Variants in CBX5 observed in about 807,000 individuals in gnomAD.
CBX5 encodes the protein chromobox 5.
A neutral mutation model predicts 20.7 loss-of-function variants in CBX5; 7 were observed. The ratio of observed to expected loss-of-function variants is 0.34; its 90% CI spans 0.19 to 0.63. The LOEUF is 0.63. Among genes scored for constraint, CBX5 ranks in the 30% least tolerant of loss-of-function variants. CBX5 has a pLI of 0.75. For missense variants in CBX5, 110 were observed against 224.1 expected, an observed-to-expected ratio of 0.49 and a Z score of 3.25; for synonymous variants, 78 against 77.0, an observed-to-expected ratio of 1.01 and a Z score of -0.07.
rs1943594925 is a variant in CBX5, at chr12:54,234,044, G to A, written c.*7711C>T. 1 of 152,086 alleles carries A rather than the reference G, an allele frequency of 6.6e-6. No homozygotes were observed. The highest frequency in any genetic ancestry group is 1.5e-5 in the Non-Finnish European group (1 of 68,120). 9.4% of individuals were successfully genotyped at this position (152,086 alleles called of 1,614,324 possible). ...AAAATACAAAAATTAGCCGGGCATGGTGGCAGGCGCCTATAATCCCAGCTG... is the reference window on the plus strand; with the variant it reads ...AAAATACAAAAATTAGCCGGGCATGATGGCAGGCGCCTATAATCCCAGCTG... On this transcript the variant is annotated 3_prime_UTR_variant, in exon 5 of 5. Coordinates refer to ENST00000209875, the MANE Select transcript of CBX5 (RefSeq NM_012117.3).
chr12:54,266,856 T>C (rs1311941444), intron 1 of CBX5, among the ~76,000 whole-genome samples: 1 of 152,202 alleles, frequency 6.6e-6, no homozygotes, highest in Non-Finnish European at 1.5e-5. Flanking sequence ...GAAACACGCA[T>C]TCTATTTTAT....
intron 2 of CBX5, among the ~76,000 whole-genome samples, chr12:54,257,067 A>T (rs971792158): frequency 6.8e-6 from 1 of 146,240 alleles, no homozygotes; most frequent in Non-Finnish European, 1.5e-5. Flanking sequence ...CATGTTGGCC[A>T]GGCTGGTCTC....
intron 2 of CBX5, among the ~76,000 whole-genome samples, chr12:54,253,790 TCTCA>T (rs1943832991): frequency 7.0e-6 from 1 of 143,286 alleles, no homozygotes; most frequent in Non-Finnish European, 1.5e-5. Context: ...TGAGATGGAG[TCTCA>T]CTCTGTCTTG....
chr12:54,249,831 C>G (rs1033040634), intron 3 of CBX5, among the ~76,000 whole-genome samples: 4 of 152,138 alleles, frequency 2.6e-5, no homozygotes, highest in Non-Finnish European at 5.9e-5. Context: ...ACTTCCCAAA[C>G]TGAAGAAGAT....
intron 1 of CBX5, among the ~76,000 whole-genome samples, chr12:54,267,706 G>A (rs914198275): frequency 9.2e-5 from 14 of 151,940 alleles, no homozygotes; most frequent in South Asian, 2.1e-4. Flanking sequence ...TAGTAGAGAC[G>A]GGGTTTCACC....
At chr12:54,269,230 T>A (rs1943986126) in intron 1 of CBX5, among the ~76,000 whole-genome samples, 1 of 151,290 alleles carries the variant, frequency 6.6e-6, no homozygotes, top group East Asian at 2.0e-4. Flanking sequence ...ACAACTACAC[T>A]CCAGCCAGGG....
intron 4 of CBX5, among the ~76,000 whole-genome samples, chr12:54,242,524 CAAAAA>C (rs34124128): frequency 2.6e-5 from 2 of 76,974 alleles, no homozygotes; most frequent in African/African-American, 4.8e-5. Context: ...GACTCCGTCT[CAAAAA>C]AAAAAAAAAA....
At position 54,235,185 on chromosome 12, in the gene CBX5, C is replaced by G. The variant is rs1275734866; in HGVS notation, c.*6570G>C. On this transcript the variant is annotated 3_prime_UTR_variant, in exon 5 of 5. Coordinates refer to ENST00000209875, the MANE Select transcript of CBX5 (RefSeq NM_012117.3). ...CTTGTGGTCATCCATGGGTCAGAAT[C>G]GACAACATCCTTACGATCAGACTGT... 6.6e-6 allele frequency: 1 copy of G among 152,188 alleles called. No homozygotes were observed. Among genetic ancestry groups the G allele is most frequent in the Non-Finnish European group, 1.5e-5 (1 of 68,042 alleles). 9.4% of individuals were successfully genotyped at this position (152,188 alleles called of 1,614,324 possible). A position where few individuals can be genotyped will look rare whatever the true frequency, so the allele number is the denominator to read the frequency against.
At position 54,234,281 on chromosome 12, in the gene CBX5, A is replaced by G. The variant is rs1423349219; in HGVS notation, c.*7474T>C. 1 of 148,188 alleles carries G rather than the reference A, an allele frequency of 6.7e-6. No homozygotes were observed. Among genetic ancestry groups the G allele is most frequent in the African/African-American group, 2.5e-5 (1 of 40,302 alleles). 9.2% of individuals were successfully genotyped at this position (148,188 alleles called of 1,614,324 possible). The stretch of plus-strand genomic sequence containing the variant: ...GATTTTTTTTTTTTTCCTCACTGAT[A>G]GCTGATCACATTAAACAGGTACAGG... On this transcript the variant is annotated 3_prime_UTR_variant, in exon 5 of 5. Coordinates refer to ENST00000209875, the MANE Select transcript of CBX5 (RefSeq NM_012117.3).
At chr12:54,266,263 TG>T (rs1943955365) in intron 1 of CBX5, among the ~76,000 whole-genome samples, 1 of 148,530 alleles carries the variant, frequency 6.7e-6, no homozygotes, top group Non-Finnish European at 1.5e-5. Context: ...CCAGGCATGG[TG>T]GTGGGCATCT....
At chr12:54,249,097 G>A (rs1384015611) in intron 3 of CBX5, among the ~76,000 whole-genome samples, 1 of 152,188 alleles carries the variant, frequency 6.6e-6, no homozygotes, top group African/African-American at 2.4e-5. Context: ...GAGGCCAGGT[G>A]TGGTGGCTCA....
chr12:54,247,207 G>A (rs1349542240), intron 3 of CBX5, among the ~76,000 whole-genome samples: 1 of 151,880 alleles, frequency 6.6e-6, no homozygotes, highest in Non-Finnish European at 1.5e-5. Context: ...GCATTAGAAG[G>A]TAGAACCGGA....
At chr12:54,269,249 C>G (rs1337240251) in intron 1 of CBX5, among the ~76,000 whole-genome samples, 2 of 151,958 alleles carry the variant, frequency 1.3e-5, no homozygotes, top group African/African-American at 4.8e-5. Flanking sequence ...GGTGACAGAG[C>G]GAGGATCCTT....
intron 1 of CBX5, among the ~76,000 whole-genome samples, chr12:54,260,878 A>T (rs1943910226): frequency 3.9e-5 from 6 of 152,152 alleles, no homozygotes; most frequent in Admixed American, 3.9e-4. Context: ...GAGTAAGAAA[A>T]AGGGACAATC....
At chr12:54,260,160 C>CAAA (rs368171294) in intron 1 of CBX5, among the ~76,000 whole-genome samples, 30 of 75,000 alleles carry the variant, frequency 4.0e-4, no homozygotes, top group Admixed American at 1.1e-3. Context: ...AAACAACAAC[C>CAAA]AAAAAAAAAA....
chr12:54,276,353 T>A (rs1944067770), intron 1 of CBX5, among the ~76,000 whole-genome samples: 1 of 152,200 alleles, frequency 6.6e-6, no homozygotes, highest in South Asian at 2.1e-4. Context: ...AATACTTACA[T>A]TAGCCTACTG....
chr12:54,241,978 A>G, intron 4 of CBX5, 73 bp from the exon 5 acceptor site: 2 of 1,409,086 alleles, frequency 1.4e-6, no homozygotes, highest in African/African-American at 1.4e-5. Flanking sequence ...CGTTTATGTC[A>G]TTATATGGAT....
chr12:54,277,652 T>G (rs1293187290), intron 1 of CBX5, among the ~76,000 whole-genome samples: 1 of 152,166 alleles, frequency 6.6e-6, no homozygotes, highest in Non-Finnish European at 1.5e-5. Context: ...TGGTAAAAAT[T>G]TTAATAAAAA....
At chr12:54,275,935 A>G (rs1415530205) in intron 1 of CBX5, among the ~76,000 whole-genome samples, 2 of 145,856 alleles carry the variant, frequency 1.4e-5, no homozygotes, top group African/African-American at 5.1e-5. Context: ...GGTTGAGGTG[A>G]GTCAAGATCG....
Sources: allele counts gnomAD v4.1 joint callset (sites outside exome capture counted in the v4.1 genomes callset), GRCh38; gene constraint gnomAD v4.1.1; transcripts MANE v1.5; gene names NCBI Gene and HGNC (gene_info 2026-07-23, HGNC 2026-07-21).